The following URB1 variants were observed in gnomAD, a reference collection of about 807,000 sequenced individuals.
URB1 encodes the protein URB1 ribosome biogenesis factor.
Under a neutral mutation model 242.3 loss-of-function variants are expected in URB1, and 197 were observed. The ratio of observed to expected loss-of-function variants is 0.81; its 90% CI spans 0.72 to 0.91. The LOEUF (loss-of-function observed/expected upper bound fraction) is 0.91, where lower values mean the gene tolerates loss of function less well. Ranked by LOEUF, URB1 falls within the 40% of genes least tolerant of loss-of-function variation. URB1 has a pLI of 0.00. For synonymous variants in URB1, 1,153 were observed against 1,201.8 expected, an observed-to-expected ratio of 0.96 and a Z score of 0.84; for missense variants, 2,721 against 2,860.5, an observed-to-expected ratio of 0.95 and a Z score of 1.11.
chr21:32,317,510 C>A (rs767412047), intron 37 of URB1, among the ~76,000 whole-genome samples, 166 bp downstream of exon 37: 1 of 152,204 alleles, frequency 6.6e-6, no homozygotes, highest in Non-Finnish European at 1.5e-5. Flanking sequence ...GGCTGAAACT[C>A]AAAGGCTGCC....
Position 32,314,729 on chromosome 21 carries a change from C to A in URB1, c.*189G>T, listed in dbSNP as rs993267256. On this transcript the variant is annotated 3_prime_UTR_variant, in exon 39 of 39. Transcript: ENST00000382751. ...CTCTGATGCTGGGCACCTACAGGCC[C>A]GAGTTTATCATTTACTGGGCAGTTC... The A allele has an allele frequency of 2.0e-6, 3 of 1,509,956 alleles. No individual in the cohort carries two copies. Among genetic ancestry groups the A allele is most frequent in the African/African-American group, 1.4e-5 (1 of 72,632 alleles). The allele number at this position is 1,509,956 out of a possible 1,614,324, so 93.5% of individuals were successfully genotyped here. A position where few individuals can be genotyped will look rare whatever the true frequency, so the allele number is the denominator to read the frequency against.
In URB1 at chr21:32,346,987, C is replaced by A; in HGVS notation, c.3837G>T (p.Arg1279Ser). Reference sequence around the variant, plus strand: ...CTGGGCGTGTGAAGTGGCTCCGTGTCCTGCACTGGAGGTACACATGGATGA... The same window carrying A: ...CTGGGCGTGTGAAGTGGCTCCGTGTACTGCACTGGAGGTACACATGGATGA... ...LPLIHVYLQC[R>S]TRSHFTRPAG... The change falls in exon 22 of 39, where the codon AGG (arginine) becomes AGT (serine). Residue 1279 changes from arginine (R) to serine (S), a missense_variant. Arg to Ser is a moderately radical substitution (Grantham distance 110, BLOSUM62 -1). Transcript: ENST00000382751. 1 of 1,533,032 alleles carries A rather than the reference C, an allele frequency of 6.5e-7. No homozygotes were observed. The highest frequency in any genetic ancestry group is 1.2e-5 in the South Asian group (1 of 82,556). 95.0% of individuals were successfully genotyped at this position (1,533,032 alleles called of 1,614,324 possible).
chr21:32,320,888 T>C (rs758503835), intron 34 of URB1, among the ~76,000 whole-genome samples: 2 of 152,124 alleles, frequency 1.3e-5, no homozygotes, highest in African/African-American at 4.8e-5. Flanking sequence ...TAATCCATCA[T>C]CTGGAACCCA....
intron 8 of URB1, 116 bp downstream of exon 8, chr21:32,372,391 T>TA: frequency 7.4e-7 from 1 of 1,344,896 alleles, no homozygotes; most frequent in Non-Finnish European, 9.8e-7. Flanking sequence ...TGAAACGAGT[T>TA]AGATAATGTC....
At chr21:32,360,156 CCA>C (rs2033267589) in intron 13 of URB1, among the ~76,000 whole-genome samples, 1 of 152,166 alleles carries the variant, frequency 6.6e-6, no homozygotes, top group Non-Finnish European at 1.5e-5. Flanking sequence ...CCCTCCCATG[CCA>C]CACAGCCCAC....
chr21:32,311,439 A>T lies in URB1; in HGVS notation c.*3479T>A. The T allele has an allele frequency of 1.4e-5, 2 of 141,414 alleles. No individual in the cohort carries two copies. Among genetic ancestry groups the T allele is most frequent in the Non-Finnish European group, 2.7e-5 (2 of 73,716 alleles). The allele number at this position is 141,414 out of a possible 1,614,324, so 8.8% of individuals were successfully genotyped here. A position where few individuals can be genotyped will look rare whatever the true frequency, so the allele number is the denominator to read the frequency against. On this transcript the variant is annotated 3_prime_UTR_variant, in exon 39 of 39. Transcript: ENST00000382751. ...CACCCCCCCCATCCTAAATCAATGTAGGAAGAAGTGGCCTCCAGGGAAAGA... is the reference window on the plus strand; with the variant it reads ...CACCCCCCCCATCCTAAATCAATGTTGGAAGAAGTGGCCTCCAGGGAAAGA...
At chr21:32,360,027 G>T (rs1211377140) in intron 13 of URB1, 119 bp from the exon 14 acceptor site, 1 of 906,114 alleles carries the variant, frequency 1.1e-6, no homozygotes, top group East Asian at 2.7e-5. Context: ...GTGGATGCAG[G>T]GTTCTGTTTC....
At chr21:32,320,115 T>TG (rs2032746774) in intron 35 of URB1, among the ~76,000 whole-genome samples, 1 of 152,232 alleles carries the variant, frequency 6.6e-6, no homozygotes, top group Non-Finnish European at 1.5e-5. Flanking sequence ...AGCAGAGCCC[T>TG]GTCACCCGTC....
chr21:32,311,655 G>A lies in URB1; in HGVS notation c.*3263C>T. The stretch of plus-strand genomic sequence containing the variant: ...TGGACTGTTCTGCAGCAACTATGAT[G>A]CCTGCCTCCCACTCTGCTCTGTTCA... On this transcript the variant is annotated 3_prime_UTR_variant, in exon 39 of 39. Transcript: ENST00000382751. The A allele has an allele frequency of 6.2e-7, 1 of 1,611,746 alleles. No homozygotes were observed. Among genetic ancestry groups the A allele is most frequent in the South Asian group, 1.1e-5 (1 of 90,584 alleles).
At chr21:32,350,562 T>A (rs780305160) in intron 20 of URB1, 142 bp downstream of exon 20, 70 of 973,042 alleles carry the variant, frequency 7.2e-5, no homozygotes, top group Non-Finnish European at 1.0e-4. Context: ...GCAGCTGAGG[T>A]CTGGACAGAA....
intron 4 of URB1, among the ~76,000 whole-genome samples, chr21:32,379,935 C>T (rs572066705): frequency 3.6e-4 from 54 of 151,520 alleles, no homozygotes; most frequent in Non-Finnish European, 6.2e-4. Flanking sequence ...GCAGAGATCA[C>T]GCCACTGCAC....
In URB1 at chr21:32,327,718, G is replaced by T. The variant is rs1362550873; in HGVS notation, c.4961-2329C>A. Among the ~76,000 whole-genome samples the T allele has an allele frequency of 2.0e-5, 3 of 152,186 alleles. No homozygotes were observed. The East Asian group carries it at 5.8e-4, about 29-fold the overall frequency. ...TGAAATGTAATGCATGACAAGAATA[G>T]CAGAAAAGCCAGAAGGGAGGAAATG... is the stretch of plus-strand genomic sequence containing the variant. On this transcript the variant is annotated intron_variant, in intron 30 of 38. Coordinates refer to ENST00000382751, the MANE Select transcript of URB1 (RefSeq NM_014825.3).
rs527830185 is a variant in URB1 at position 32,333,773 on chromosome 21, G to A, written c.4858-354C>T. 3.9e-5 allele frequency among the ~76,000 whole-genome samples: 6 copies of A among 152,302 alleles called. No homozygotes were observed. The South Asian group carries it at 1.2e-3, about 32-fold the overall frequency. ...GAACATTTCAGATTTGGGATTTTCA[G>A]ATTAGAGATTCTCAACCTGTATGGC... On this transcript the variant is annotated intron_variant, in intron 29 of 38. Transcript: ENST00000382751.
At position 32,312,793 on chromosome 21, in the gene URB1, GC is replaced by G. The variant is rs1366572375; in HGVS notation, c.*2124del. The G allele has an allele frequency of 6.6e-6, 1 of 152,234 alleles. No homozygotes were observed. Among genetic ancestry groups the G allele is most frequent in the Middle Eastern group, 3.2e-3 (1 of 316 alleles). 9.4% of individuals were successfully genotyped at this position (152,234 alleles called of 1,614,324 possible). ...TCAGAAGACCCATATGTCCCCTACA[GC>G]TTTCAGGCAAGGAGGGAGTTGATAG... On this transcript the variant is annotated 3_prime_UTR_variant, in exon 39 of 39. Coordinates refer to ENST00000382751, the MANE Select transcript of URB1 (RefSeq NM_014825.3).
chr21:32,352,243 G>A (rs1471135667), intron 19 of URB1, among the ~76,000 whole-genome samples: 1 of 152,144 alleles, frequency 6.6e-6, no homozygotes, highest in Non-Finnish European at 1.5e-5. Context: ...GTAGTCCCCA[G>A]CAAAAGAAAA....
chr21:32,365,774 C>G (rs1039869749), intron 10 of URB1, among the ~76,000 whole-genome samples: 2 of 152,184 alleles, frequency 1.3e-5, no homozygotes, highest in Non-Finnish European at 2.9e-5. Context: ...GAGTCCACCC[C>G]ACTTTACAGT....
Position 32,316,556 on chromosome 21 carries a change from C to G in URB1, c.6544G>C (p.Ala2182Pro). Residue 2182 changes from alanine to proline, a missense_variant, in exon 38 of 39, where the codon GCT becomes CCT. Ala to Pro is a conservative substitution (Grantham distance 27). Transcript: ENST00000382751. ...LFNTVMLQLV[A>P]AQGRAGSPFH... ...GGGCTCCCTGCCCGGCCCTGGGCAG[C>G]CACCAGCTGCAGCATGACCGTATTG... 6.4e-7 allele frequency: 1 copy of G among 1,551,238 alleles called. No individual in the cohort carries two copies. Among genetic ancestry groups the G allele is most frequent in the Non-Finnish European group, 8.7e-7 (1 of 1,146,872 alleles).
chr21:32,383,231 G>C (rs2033546059), intron 4 of URB1, among the ~76,000 whole-genome samples, 191 bp downstream of exon 4: 1 of 152,224 alleles, frequency 6.6e-6, no homozygotes, highest in Non-Finnish European at 1.5e-5. Flanking sequence ...CCAGGTTCTG[G>C]CCCTATCGCC....
chr21:32,327,560 G>T (rs1258668749), intron 30 of URB1, among the ~76,000 whole-genome samples: 3 of 103,718 alleles, frequency 2.9e-5, no homozygotes, highest in African/African-American at 1.1e-4. Context: ...GAAGAAAAAT[G>T]ATACCAGATA....
Sources: gnomAD v4.1 joint callset for allele counts (sites outside exome capture counted in the v4.1 genomes callset) on GRCh38, gnomAD v4.1.1 for gene constraint, MANE v1.5 for transcripts, NCBI Gene and HGNC (gene_info 2026-07-23, HGNC 2026-07-21) for gene names.